The following TSPAN2 variants were observed in gnomAD, a reference collection of about 807,000 sequenced individuals.
TSPAN2 encodes tetraspanin 2.
TSPAN2 carries 24 observed loss-of-function variants against 33.3 expected under a neutral mutation model. The observed-to-expected ratio is 0.72, with a 90% CI of 0.52 to 1.01. The LOEUF (loss-of-function observed/expected upper bound fraction) is 1.01. Among genes scored for constraint, TSPAN2 ranks in the 50% least tolerant of loss-of-function variants. The pLI is 0.00. For missense variants in TSPAN2, 278 were observed against 281.3 expected, an observed-to-expected ratio of 0.99 and a Z score of 0.08; for synonymous variants, 114 against 104.5, an observed-to-expected ratio of 1.09 and a Z score of -0.56.
At chr1:115,057,474 A>T in intron 6 of TSPAN2, 63 bp downstream of exon 6, 1 of 1,499,054 alleles carries the variant, frequency 6.7e-7, no homozygotes, top group Non-Finnish European at 9.3e-7. Context: ...TTCTACCTTC[A>T]ATGGCTTCCT....
chr1:115,086,015 G>C (rs1000897235), intron 1 of TSPAN2, among the ~76,000 whole-genome samples: 11 of 152,174 alleles, frequency 7.2e-5, no homozygotes, highest in African/African-American at 2.7e-4. Flanking sequence ...ATAAGGTGTA[G>C]TTATCCTCAA....
At chr1:115,053,181 T>C (rs1647255061) in intron 7 of TSPAN2, among the ~76,000 whole-genome samples, 198 bp downstream of exon 7, 1 of 152,250 alleles carries the variant, frequency 6.6e-6, no homozygotes, top group African/African-American at 2.4e-5. Context: ...AAAGTTGAAA[T>C]TTCTATTATA....
At chr1:115,088,549 C>G (rs140515162) in intron 1 of TSPAN2, among the ~76,000 whole-genome samples, 1 of 152,082 alleles carries the variant, frequency 6.6e-6, no homozygotes, top group Admixed American at 6.5e-5. Flanking sequence ...ATCCCTGTCT[C>G]GATAATATAG....
In TSPAN2 at chr1:115,067,179, A is replaced by G. The variant is rs186836530; in HGVS notation, c.173-4947T>C. Among the ~76,000 whole-genome samples, 55 of 152,378 alleles carry G rather than the reference A, an allele frequency of 3.6e-4. 5 individuals carry two copies. In the East Asian group the frequency reaches 4.0e-3, roughly 11 times the overall value. On this transcript the variant is annotated intron_variant, in intron 2 of 7. Coordinates refer to ENST00000369516, the MANE Select transcript of TSPAN2 (RefSeq NM_005725.6). ...AGCCTACTCCAAAGTGCAGTCCCTG[A>G]ACCCCTATGCTTTCGTTTTAGCAGT... is the stretch of plus-strand genomic sequence containing the variant.
chr1:115,081,670 A>G (rs1648630137), intron 1 of TSPAN2, among the ~76,000 whole-genome samples: 1 of 152,194 alleles, frequency 6.6e-6, no homozygotes, highest in Non-Finnish European at 1.5e-5. Context: ...AGTGAAGGTA[A>G]TAATAGTGCC....
chr1:115,079,135 C>T (rs550655439), intron 1 of TSPAN2, among the ~76,000 whole-genome samples: 6 of 58,062 alleles, frequency 1.0e-4, no homozygotes, highest in South Asian at 6.3e-4. Flanking sequence ...ACAATTATAG[C>T]GCCACACACA....
In TSPAN2 at chr1:115,058,973, T is replaced by A. The variant is rs1162540499; in HGVS notation, c.354A>T (p.Arg118=). Residue 118 remains arginine (R), a synonymous_variant, in exon 5 of 8, where the codon CGA becomes CGT. Coordinates refer to ENST00000369516, the MANE Select transcript of TSPAN2 (RefSeq NM_005725.6). ...CCTCTTCATACATGGTCTGAACATG[T>A]CGGATAGCCTGAAGAAATACAAGGA... The part of the protein sequence containing the change: ...FAFIGKGVAI[R]HVQTMYEEAY... The A allele has an allele frequency of 5.0e-6, 8 of 1,612,578 alleles. No homozygotes were observed. The highest frequency in any genetic ancestry group is 6.8e-6 in the Non-Finnish European group (8 of 1,179,428).
intron 2 of TSPAN2, among the ~76,000 whole-genome samples, chr1:115,068,529 A>T (rs1332834193): frequency 6.6e-6 from 1 of 152,208 alleles, no homozygotes; most frequent in African/African-American, 2.4e-5. Flanking sequence ...CAAAGGGGTG[A>T]TAAGAGTTTA....
At chr1:115,083,787 T>C (rs1260578391) in intron 1 of TSPAN2, among the ~76,000 whole-genome samples, 5 of 152,174 alleles carry the variant, frequency 3.3e-5, no homozygotes, top group South Asian at 2.1e-4. Flanking sequence ...TGCACACAAC[T>C]ACCTTAGCTG....
intron 5 of TSPAN2, 68 bp from the exon 6 acceptor site, chr1:115,057,676 G>T: frequency 6.8e-7 from 1 of 1,477,230 alleles, no homozygotes; most frequent in Non-Finnish European, 9.5e-7. Flanking sequence ...TGGGCACCCT[G>T]CTAAGGACTG....
intron 1 of TSPAN2, among the ~76,000 whole-genome samples, chr1:115,084,161 AG>A (rs2101049501): frequency 6.6e-6 from 1 of 152,338 alleles, no homozygotes; most frequent in Non-Finnish European, 1.5e-5. Flanking sequence ...TTGTACTTCT[AG>A]TATTTAAAAA....
At position 115,062,121 on chromosome 1, in the gene TSPAN2, C is replaced by T. The variant is rs1349584618; in HGVS notation, c.270+14G>A. On this transcript the variant is annotated intron_variant, in intron 3 of 7. Transcript: ENST00000369516. The stretch of plus-strand genomic sequence containing the variant: ...TCACCCCCACCCCACCATTTACCCC[C>T]TCGCCCCACTTACTGATCCAAGCAC... The T allele has an allele frequency of 2.6e-6, 4 of 1,564,018 alleles. No homozygotes were observed. The highest frequency in any genetic ancestry group is 2.3e-5 in the South Asian group (2 of 85,504).
At chr1:115,060,111 T>G (rs1368094124) in intron 4 of TSPAN2, among the ~76,000 whole-genome samples, 2 of 152,198 alleles carry the variant, frequency 1.3e-5, no homozygotes, top group African/African-American at 4.8e-5. Flanking sequence ...CAAATGGCAG[T>G]CTGACAGGGG....
intron 1 of TSPAN2, 101 bp downstream of exon 1, chr1:115,089,263 G>T: frequency 9.6e-7 from 1 of 1,043,730 alleles, no homozygotes; most frequent in Non-Finnish European, 1.3e-6. Flanking sequence ...CCCTCCCCAC[G>T]AGCGCGACTC....
At position 115,054,844 on chromosome 1, in the gene TSPAN2, G is replaced by A. The variant is rs1430253815; in HGVS notation, c.517-1382C>T. Reference sequence around the variant, plus strand: ...TCTACTGAAAATAAAAAAATTAGCCGGGCATGGTGGCACCTACCTGTAATC... The same window carrying A: ...TCTACTGAAAATAAAAAAATTAGCCAGGCATGGTGGCACCTACCTGTAATC... On this transcript the variant is annotated intron_variant, in intron 6 of 7. Coordinates refer to ENST00000369516, the MANE Select transcript of TSPAN2 (RefSeq NM_005725.6). Among the ~76,000 whole-genome samples the A allele has an allele frequency of 2.6e-5, 4 of 152,020 alleles. No individual in the cohort carries two copies. The South Asian group carries it at 6.2e-4, about 24-fold the overall frequency.
chr1:115,074,272 T>C (rs1648310334), intron 1 of TSPAN2, among the ~76,000 whole-genome samples: 1 of 152,174 alleles, frequency 6.6e-6, no homozygotes, highest in Admixed American at 6.5e-5. Context: ...GCCAGGCAGC[T>C]TATAAAGGAC....
At chr1:115,075,321 G>C (rs898378774) in intron 1 of TSPAN2, among the ~76,000 whole-genome samples, 1 of 152,162 alleles carries the variant, frequency 6.6e-6, no homozygotes, top group East Asian at 1.9e-4. Flanking sequence ...GGAAACTGTG[G>C]CTTAGCTGAA....
chr1:115,085,877 C>T (rs983386340), intron 1 of TSPAN2, among the ~76,000 whole-genome samples: 3 of 152,136 alleles, frequency 2.0e-5, no homozygotes, highest in Non-Finnish European at 2.9e-5. Flanking sequence ...CTACTGCATG[C>T]CTTCTATATG....
chr1:115,075,528 G>A (rs1194107485), intron 1 of TSPAN2, among the ~76,000 whole-genome samples: 1 of 152,040 alleles, frequency 6.6e-6, no homozygotes, highest in African/African-American at 2.4e-5. Flanking sequence ...AAGATTCATG[G>A]AATGCTCTGT....
Sources: allele counts gnomAD v4.1 joint callset (sites outside exome capture counted in the v4.1 genomes callset), GRCh38; gene constraint gnomAD v4.1.1; transcripts MANE v1.5; gene names NCBI Gene and HGNC (gene_info 2026-07-23, HGNC 2026-07-21).